The following TMEM132D variants were observed in gnomAD, a reference collection of about 807,000 sequenced individuals.
TMEM132D encodes the protein transmembrane protein 132D, also known as mature OL transmembrane protein.
A neutral mutation model predicts 62.3 loss-of-function variants in TMEM132D; 21 were observed. The observed-to-expected ratio is 0.34, with a 90% CI of 0.24 to 0.49. TMEM132D has a LOEUF of 0.49. Among genes scored for constraint, TMEM132D ranks in the 20% least tolerant of loss-of-function variants. The pLI is 0.99. For missense variants in TMEM132D, 1,346 were observed against 1,402.8 expected (o/e 0.96, Z 0.65); for synonymous variants, 621 against 575.6 (o/e 1.08, Z -1.13).
chr12:129,801,443 G>A (rs1053714900), intron 1 of TMEM132D, among the ~76,000 whole-genome samples: 7 of 151,756 alleles, frequency 4.6e-5, no homozygotes, highest in South Asian at 2.1e-4. Flanking sequence ...CACCTCACAC[G>A]GCAGGGTATT....
At chr12:129,824,966 T>G (rs1422260622) in intron 1 of TMEM132D, among the ~76,000 whole-genome samples, 2 of 152,008 alleles carry the variant, frequency 1.3e-5, no homozygotes, top group Non-Finnish European at 2.9e-5. Context: ...CTTTAACAAC[T>G]GTTCCCTATT....
chr12:129,803,812 AAGAG>A (rs1297053817), intron 1 of TMEM132D, among the ~76,000 whole-genome samples: 8 of 151,198 alleles, frequency 5.3e-5, no homozygotes, highest in East Asian at 1.9e-4. Context: ...TAAAGAAAAA[AAGAG>A]AGAAGAATCA....
intron 3 of TMEM132D, among the ~76,000 whole-genome samples, chr12:129,384,057 C>T (rs1028698926): frequency 6.6e-6 from 1 of 152,168 alleles, no homozygotes; most frequent in African/African-American, 2.4e-5. Context: ...AAATACATAA[C>T]ACATCGTAAA....
chr12:129,259,930 G>C (rs745507124), intron 4 of TMEM132D, among the ~76,000 whole-genome samples: 6 of 151,926 alleles, frequency 3.9e-5, no homozygotes, highest in Non-Finnish European at 7.4e-5. Context: ...AGCCAAATTG[G>C]GAAGAACTGG....
chr12:129,861,173 C>G (rs1412450878), intron 1 of TMEM132D, among the ~76,000 whole-genome samples: 1 of 152,178 alleles, frequency 6.6e-6, no homozygotes, highest in Non-Finnish European at 1.5e-5. Context: ...CTCTGCCTTG[C>G]AGAGTTGAAA....
At chr12:129,301,604 G>A (rs1426057791) in intron 4 of TMEM132D, among the ~76,000 whole-genome samples, 1 of 152,192 alleles carries the variant, frequency 6.6e-6, no homozygotes. Context: ...CATAAAGACA[G>A]TCACAGCAGC....
In TMEM132D at chr12:129,244,385, C is replaced by CAAAAA. The variant is rs751155633; in HGVS notation, c.1300-34727_1300-34723dup. ...TGGGCGACAGAGCGAGACTCTGTCT[C>CAAAAA]AAAAAAAAAAAAAAAAAAAAAAAAC... On this transcript the variant is annotated intron_variant, in intron 4 of 8. Coordinates refer to ENST00000422113, the MANE Select transcript of TMEM132D (RefSeq NM_133448.3). 2.8e-4 allele frequency among the ~76,000 whole-genome samples: 24 copies of CAAAAA among 85,192 alleles called. No individual in the cohort carries two copies. The East Asian group carries it at 3.9e-3, about 14-fold the overall frequency. The allele number at this position is 85,192 out of a possible 152,430, so 55.9% of individuals were successfully genotyped here. A position where few individuals can be genotyped will look rare whatever the true frequency, so the allele number is the denominator to read the frequency against.
At chr12:129,456,299 G>A (rs1448119589) in intron 3 of TMEM132D, among the ~76,000 whole-genome samples, 2 of 152,180 alleles carry the variant, frequency 1.3e-5, no homozygotes, top group South Asian at 2.1e-4. Flanking sequence ...CTCAGCAAAC[G>A]TTACCTGCTG....
At chr12:129,714,454 T>A (rs949629271) in intron 1 of TMEM132D, among the ~76,000 whole-genome samples, 1 of 151,566 alleles carries the variant, frequency 6.6e-6, no homozygotes, top group Non-Finnish European at 1.5e-5. Flanking sequence ...TGGGCCAGGG[T>A]TTGAACAACA....
At chr12:129,351,894 T>C (rs148949188) in intron 3 of TMEM132D, among the ~76,000 whole-genome samples, 15 of 152,338 alleles carry the variant, frequency 9.8e-5, no homozygotes, top group African/African-American at 3.6e-4. Context: ...TGAGCTTCTC[T>C]CTACCCTGAA....
intron 5 of TMEM132D, among the ~76,000 whole-genome samples, chr12:129,117,710 A>T (rs931430528): frequency 1.3e-5 from 2 of 152,232 alleles, no homozygotes; most frequent in South Asian, 4.1e-4. Flanking sequence ...GTGTGATCTC[A>T]GACTCTATTG....
chr12:129,414,739 A>G (rs1311271794), intron 3 of TMEM132D, among the ~76,000 whole-genome samples: 2 of 152,238 alleles, frequency 1.3e-5, no homozygotes, highest in Admixed American at 6.5e-5. Flanking sequence ...GCCACACATT[A>G]CATCTCCAGA....
At chr12:129,109,597 C>T (rs540120489) in intron 5 of TMEM132D, 6 of 152,458 alleles carry the variant, frequency 3.9e-5, no homozygotes, top group Admixed American at 3.9e-4. Context: ...CTGGTCTTTC[C>T]TGTGCTAGTC....
intron 4 of TMEM132D, among the ~76,000 whole-genome samples, chr12:129,278,030 A>G (rs1881044605): frequency 6.6e-6 from 1 of 152,176 alleles, no homozygotes; most frequent in South Asian, 2.1e-4. Flanking sequence ...TCAGCAGAAA[A>G]GGACTGGGTC....
rs576077311 is a variant in TMEM132D at position 129,781,037 on chromosome 12, A to G, written c.80-80339T>C. 5.3e-5 allele frequency among the ~76,000 whole-genome samples: 8 copies of G among 152,316 alleles called. No individual in the cohort carries two copies. The South Asian group carries it at 1.7e-3, about 32-fold the overall frequency. On this transcript the variant is annotated intron_variant, in intron 1 of 8. Coordinates refer to ENST00000422113, the MANE Select transcript of TMEM132D (RefSeq NM_133448.3). ...CAGCAGCTTGAGCTCTGTGGGCTCA[A>G]AGGCATCTTTTGGGGGCACAAAGTG...
intron 2 of TMEM132D, among the ~76,000 whole-genome samples, chr12:129,634,866 T>C (rs1879439106): frequency 6.6e-6 from 1 of 152,230 alleles, no homozygotes; most frequent in Non-Finnish European, 1.5e-5. Flanking sequence ...TAAATAATTC[T>C]AAGCTACTAT....
intron 3 of TMEM132D, among the ~76,000 whole-genome samples, chr12:129,410,821 A>G (rs1313461238): frequency 6.6e-6 from 1 of 152,188 alleles, no homozygotes; most frequent in Non-Finnish European, 1.5e-5. Context: ...AACTTGTCTC[A>G]TGGGGTTTGT....
chr12:129,165,255 T>C (rs1328455655), intron 5 of TMEM132D, among the ~76,000 whole-genome samples: 1 of 152,134 alleles, frequency 6.6e-6, no homozygotes, highest in Non-Finnish European at 1.5e-5. Flanking sequence ...TCTGCAGCAG[T>C]GGTAGTGATG....
At chr12:129,367,449 T>A (rs1373388108) in intron 3 of TMEM132D, among the ~76,000 whole-genome samples, 1 of 152,094 alleles carries the variant, frequency 6.6e-6, no homozygotes, top group African/African-American at 2.4e-5. Context: ...CAGCAGCCAA[T>A]TGCATTACAG....
Sources: gnomAD v4.1 joint callset for allele counts (sites outside exome capture counted in the v4.1 genomes callset) on GRCh38, gnomAD v4.1.1 for gene constraint, MANE v1.5 for transcripts, NCBI Gene and HGNC (gene_info 2026-07-23, HGNC 2026-07-21) for gene names.